Variants in SPOCK1 observed in about 807,000 individuals in gnomAD.
The protein encoded by SPOCK1 is SPARC (osteonectin), cwcv and kazal like domains proteoglycan 1, also known as testican-1.
In SPOCK1, 23 loss-of-function variants were observed where a neutral mutation model predicts 55.3. The observed-to-expected ratio is 0.42, with a 90% CI of 0.30 to 0.59. The LOEUF is 0.59. Ranked by LOEUF, SPOCK1 falls within the 20% of genes least tolerant of loss-of-function variation. SPOCK1 has a pLI of 0.22. For missense variants in SPOCK1, 499 were observed against 552.5 expected (o/e 0.90, Z 0.97); for synonymous variants, 226 against 221.0 (o/e 1.02, Z -0.20).
intron 3 of SPOCK1, among the ~76,000 whole-genome samples, chr5:137,182,474 G>A (rs1480648141): frequency 6.6e-6 from 1 of 152,166 alleles, no homozygotes; most frequent in Non-Finnish European, 1.5e-5. Flanking sequence ...TATACACCAA[G>A]TACCTACTAT....
At chr5:137,382,903 C>T (rs1193909932) in intron 2 of SPOCK1, among the ~76,000 whole-genome samples, 2 of 151,048 alleles carry the variant, frequency 1.3e-5, no homozygotes, top group Non-Finnish European at 2.9e-5. Context: ...TGATTAGTTG[C>T]TGGGCCAGGA....
At chr5:137,322,341 A>AC (rs1757995542) in intron 2 of SPOCK1, among the ~76,000 whole-genome samples, 1 of 82,762 alleles carries the variant, frequency 1.2e-5, no homozygotes, top group Admixed American at 1.6e-4. Context: ...TCAAGGAAAA[A>AC]AAAAAAAACA....
At chr5:137,103,111 C>T (rs1417617516) in intron 5 of SPOCK1, among the ~76,000 whole-genome samples, 2 of 152,164 alleles carry the variant, frequency 1.3e-5, no homozygotes, top group African/African-American at 4.8e-5. Flanking sequence ...CTGCCTCAGC[C>T]TCCAGAGTAG....
At chr5:137,484,700 G>A (rs1259785374) in intron 2 of SPOCK1, among the ~76,000 whole-genome samples, 2 of 152,054 alleles carry the variant, frequency 1.3e-5, no homozygotes, top group Non-Finnish European at 2.9e-5. Context: ...TATATCAAAA[G>A]GAAATCATTG....
At position 137,053,943 on chromosome 5, in the gene SPOCK1, C is replaced by G. The variant is rs1752255586; in HGVS notation, c.589+13772G>C. Among the ~76,000 whole-genome samples the G allele has an allele frequency of 2.0e-5, 3 of 152,152 alleles. No individual in the cohort carries two copies. The South Asian group carries it at 6.2e-4, about 32-fold the overall frequency. ...AAAACCAGAATCAAATGGCTATGGGCTAGACAACTAACAGTGTCTCTGCTA... is the reference window on the plus strand; with the variant it reads ...AAAACCAGAATCAAATGGCTATGGGGTAGACAACTAACAGTGTCTCTGCTA... On this transcript the variant is annotated intron_variant, in intron 6 of 10. Transcript: ENST00000394945.
At chr5:137,034,267 T>C (rs1561586094) in intron 6 of SPOCK1, among the ~76,000 whole-genome samples, 1 of 152,192 alleles carries the variant, frequency 6.6e-6, no homozygotes, top group Non-Finnish European at 1.5e-5. Context: ...AAGAATGCTG[T>C]GCGAGTACCA....
At chr5:137,266,234 C>A (rs970402574) in intron 3 of SPOCK1, among the ~76,000 whole-genome samples, 5 of 152,174 alleles carry the variant, frequency 3.3e-5, no homozygotes, top group Non-Finnish European at 7.3e-5. Context: ...GAAGAATGAA[C>A]ACTTTGAGAT....
intron 3 of SPOCK1, among the ~76,000 whole-genome samples, chr5:137,245,867 C>T (rs181632117): frequency 1.3e-5 from 2 of 152,064 alleles, no homozygotes; most frequent in East Asian, 3.9e-4. Context: ...GTATATACTG[C>T]CTGTCTATTA....
At chr5:137,074,033 T>TG (rs11384522) in intron 5 of SPOCK1, among the ~76,000 whole-genome samples, 131,579 of 152,074 alleles carry the variant, frequency 0.87, 57,448 homozygotes, top group South Asian at 0.94. Flanking sequence ...TGTGAGGCAC[T>TG]GTATTAAAAA....
chr5:137,452,033 GC>G (rs970246033), intron 2 of SPOCK1, among the ~76,000 whole-genome samples: 165 of 152,174 alleles, frequency 1.1e-3, no homozygotes, highest in African/African-American at 3.8e-3. Context: ...AATCCAAAAT[GC>G]CCCAATGAGC....
intron 4 of SPOCK1, among the ~76,000 whole-genome samples, chr5:137,132,619 G>C (rs1329246959): frequency 6.6e-6 from 1 of 152,126 alleles, no homozygotes; most frequent in Non-Finnish European, 1.5e-5. Flanking sequence ...ACCATTCCCA[G>C]CTTCGCAGAC....
intron 8 of SPOCK1, among the ~76,000 whole-genome samples, chr5:136,985,636 A>G (rs988599049): frequency 6.6e-6 from 1 of 152,202 alleles, no homozygotes; most frequent in African/African-American, 2.4e-5. Flanking sequence ...ATGGATAGGA[A>G]TGGTTACTTC....
At chr5:137,065,913 A>G (rs1314428452) in intron 6 of SPOCK1, among the ~76,000 whole-genome samples, 3 of 152,190 alleles carry the variant, frequency 2.0e-5, no homozygotes, top group Non-Finnish European at 4.4e-5. Context: ...AATTGAACAA[A>G]TAGATGGCAC....
intron 6 of SPOCK1, among the ~76,000 whole-genome samples, chr5:137,008,722 TGATG>T (rs1751297907): frequency 6.6e-6 from 1 of 152,188 alleles, no homozygotes; most frequent in South Asian, 2.1e-4. Flanking sequence ...ACAAGTTTAC[TGATG>T]GCCTTAAACA....
chr5:137,171,451 G>A (rs189620782), intron 3 of SPOCK1, among the ~76,000 whole-genome samples: 382 of 152,228 alleles, frequency 2.5e-3, no homozygotes, highest in African/African-American at 8.6e-3. Context: ...CCTTCTTGAA[G>A]CCACCACATG....
At chr5:137,482,891 A>G (rs1753979379) in intron 2 of SPOCK1, among the ~76,000 whole-genome samples, 2 of 152,230 alleles carry the variant, frequency 1.3e-5, no homozygotes, top group Admixed American at 1.3e-4. Flanking sequence ...TCTCTGATTC[A>G]CAGTGCAGCC....
At chr5:137,245,418 A>T (rs759612185) in intron 3 of SPOCK1, among the ~76,000 whole-genome samples, 18 of 152,254 alleles carry the variant, frequency 1.2e-4, no homozygotes, top group Non-Finnish European at 2.5e-4. Context: ...ATAAGAAATA[A>T]TTATACCTCA....
In SPOCK1 at chr5:137,282,319, G is replaced by C. The variant is rs1453782057; in HGVS notation, c.187-15264C>G. 3.3e-5 allele frequency among the ~76,000 whole-genome samples: 5 copies of C among 152,318 alleles called. No homozygotes were observed. In the East Asian group the frequency reaches 9.6e-4, roughly 29 times the overall value. On this transcript the variant is annotated intron_variant, in intron 2 of 10. Coordinates refer to ENST00000394945, the MANE Select transcript of SPOCK1 (RefSeq NM_004598.4). ...TAGCTGCATTGGAAAAGCGGCAGCC[G>C]CTGCTCTGTGCAAAAGTGTAAATAA...
At chr5:137,300,440 T>C (rs960715363) in intron 2 of SPOCK1, among the ~76,000 whole-genome samples, 1 of 152,232 alleles carries the variant, frequency 6.6e-6, no homozygotes, top group Non-Finnish European at 1.5e-5. Context: ...TTGTATTGTA[T>C]AGAACATACT....
Sources: gnomAD v4.1 joint callset for allele counts (sites outside exome capture counted in the v4.1 genomes callset) on GRCh38, gnomAD v4.1.1 for gene constraint, MANE v1.5 for transcripts, NCBI Gene and HGNC (gene_info 2026-07-23, HGNC 2026-07-21) for gene names.